The following GALNT1 variants were observed in gnomAD, a reference collection of about 807,000 sequenced individuals.
GALNT1 encodes the protein polypeptide N-acetylgalactosaminyltransferase 1.
A neutral mutation model predicts 65.7 loss-of-function variants in GALNT1; 17 were observed. That is an observed-to-expected ratio of 0.26 (90% CI 0.18 to 0.39). GALNT1 has a LOEUF of 0.39. Ranked by LOEUF, GALNT1 falls within the 10% of genes least tolerant of loss-of-function variation. GALNT1 has a pLI of 1.00. For missense variants in GALNT1, 460 were observed against 672.8 expected (o/e 0.68, Z 3.50); for synonymous variants, 210 against 219.7 (o/e 0.96, Z 0.39).
intron 7 of GALNT1, among the ~76,000 whole-genome samples, chr18:35,689,580 T>C (rs547728497): frequency 1.3e-5 from 2 of 152,328 alleles, no homozygotes; most frequent in South Asian, 2.1e-4. Flanking sequence ...AAAGCTAATA[T>C]ATAGTTTGGA....
intron 3 of GALNT1, among the ~76,000 whole-genome samples, chr18:35,668,131 A>T (rs1029473031): frequency 2.0e-5 from 3 of 152,232 alleles, no homozygotes; most frequent in African/African-American, 7.2e-5. Flanking sequence ...TGAACTAACC[A>T]TCTTAAGAAA....
intron 9 of GALNT1, among the ~76,000 whole-genome samples, chr18:35,694,738 G>C (rs1224312352): frequency 6.6e-6 from 1 of 152,224 alleles, no homozygotes; most frequent in East Asian, 1.9e-4. Flanking sequence ...AATTGGGTCA[G>C]TTCAAAGTAA....
chr18:35,709,896 T>C lies in GALNT1; in HGVS notation c.*126T>C, dbSNP rs1598815949. The C allele has an allele frequency of 8.8e-7, 1 of 1,135,072 alleles. No individual in the cohort carries two copies. The highest frequency in any genetic ancestry group is 1.6e-5 in the South Asian group (1 of 62,252). The allele number at this position is 1,135,072 out of a possible 1,614,324, so 70.3% of individuals were successfully genotyped here. On this transcript the variant is annotated 3_prime_UTR_variant, in exon 12 of 12. Transcript: ENST00000269195. ...CCTCCTCTGCAGGATGTAAGGTTTA[T>C]CAGCCATTAAAACTTAGACTTCTCT...
intron 6 of GALNT1, among the ~76,000 whole-genome samples, 172 bp downstream of exon 6, chr18:35,687,358 C>T (rs573558503): frequency 7.4e-4 from 113 of 152,288 alleles, no homozygotes; most frequent in African/African-American, 2.5e-3. Flanking sequence ...AAGGATTTCT[C>T]CTCTAATAAA....
rs377546998 is a variant in GALNT1 at position 35,613,026 on chromosome 18, G to A, written c.-104+31164G>A. The stretch of plus-strand genomic sequence containing the variant: ...AGTAATAGCTACCTTGTTTAAGATC[G>A]CAGCTCCTCTCCACCAGGCACTCAT... On this transcript the variant is annotated intron_variant, in intron 1 of 11. Transcript: ENST00000269195. 9.2e-5 allele frequency among the ~76,000 whole-genome samples: 14 copies of A among 152,202 alleles called. No homozygotes were observed. The East Asian group carries it at 1.5e-3, about 17-fold the overall frequency.
intron 1 of GALNT1, among the ~76,000 whole-genome samples, chr18:35,641,488 G>C (rs2047162924): frequency 6.6e-6 from 1 of 152,034 alleles, no homozygotes; most frequent in African/African-American, 2.4e-5. Flanking sequence ...ACTCACACAA[G>C]GCTACATTAG....
At chr18:35,668,741 A>G (rs1458191030) in intron 3 of GALNT1, among the ~76,000 whole-genome samples, 1 of 152,184 alleles carries the variant, frequency 6.6e-6, no homozygotes, top group Non-Finnish European at 1.5e-5. Context: ...TTGTACCCTT[A>G]AAAACCTATT....
intron 8 of GALNT1, 37 bp downstream of exon 8, chr18:35,691,229 C>A: frequency 6.5e-7 from 1 of 1,528,012 alleles, no homozygotes; most frequent in Non-Finnish European, 8.8e-7. Flanking sequence ...CAAGGCTGTA[C>A]CTTTGTTGAC....
chr18:35,608,990 A>G (rs1046364797), intron 1 of GALNT1, among the ~76,000 whole-genome samples: 1 of 152,202 alleles, frequency 6.6e-6, no homozygotes, highest in South Asian at 2.1e-4. Flanking sequence ...CCCTGAACCT[A>G]CCACAGTAAA....
At chr18:35,642,902 T>C (rs1182896889) in intron 1 of GALNT1, among the ~76,000 whole-genome samples, 1 of 151,960 alleles carries the variant, frequency 6.6e-6, no homozygotes, top group Admixed American at 6.6e-5. Flanking sequence ...CTGCCACTCA[T>C]CTGTATGTCT....
chr18:35,636,361 G>A (rs1003892221), intron 1 of GALNT1, among the ~76,000 whole-genome samples: 4 of 152,284 alleles, frequency 2.6e-5, no homozygotes, highest in African/African-American at 9.6e-5. Flanking sequence ...TGGACCAGAG[G>A]GAAAGACTGT....
At chr18:35,666,520 A>G (rs892428843) in intron 3 of GALNT1, among the ~76,000 whole-genome samples, 3 of 152,200 alleles carry the variant, frequency 2.0e-5, no homozygotes, top group Non-Finnish European at 4.4e-5. Context: ...TCAATCAACT[A>G]TTATTGTTTC....
intron 1 of GALNT1, among the ~76,000 whole-genome samples, chr18:35,645,987 T>G (rs2047225932): frequency 6.6e-6 from 1 of 152,142 alleles, no homozygotes; most frequent in African/African-American, 2.4e-5. Context: ...AGTGTATTAG[T>G]TCATTTTTAC....
intron 11 of GALNT1, among the ~76,000 whole-genome samples, chr18:35,704,152 G>T (rs760473539): frequency 3.9e-5 from 6 of 152,156 alleles, no homozygotes; most frequent in Non-Finnish European, 7.4e-5. Flanking sequence ...TTCAATTAAA[G>T]CATCCGTGGT....
intron 1 of GALNT1, among the ~76,000 whole-genome samples, chr18:35,630,092 G>A (rs376201934): frequency 2.0e-5 from 3 of 152,022 alleles, no homozygotes; most frequent in Non-Finnish European, 2.9e-5. Context: ...AGACTCCCAC[G>A]CAATAATAAT....
chr18:35,598,711 C>T (rs901460987), intron 1 of GALNT1, among the ~76,000 whole-genome samples: 19 of 152,082 alleles, frequency 1.2e-4, no homozygotes, highest in African/African-American at 4.3e-4. Context: ...TATATCTCTT[C>T]AATATACTGA....
rs184155678 is a variant in GALNT1 at position 35,599,918 on chromosome 18, G to A, written c.-104+18056G>A. Among the ~76,000 whole-genome samples the A allele has an allele frequency of 1.7e-3, 266 of 152,220 alleles. 1 individual carries two copies. Among genetic ancestry groups the A allele is most frequent in the African/African-American group, 6.1e-3 (255 of 41,532 alleles). On this transcript the variant is annotated intron_variant, in intron 1 of 11. Transcript: ENST00000269195. ...TTTTATGTTAGTATCATGCTGTTTTGGTTACTATGGCTTTCTAATACATTT... is the reference window on the plus strand; with the variant it reads ...TTTTATGTTAGTATCATGCTGTTTTAGTTACTATGGCTTTCTAATACATTT...
At chr18:35,581,958 G>T (rs2046327012) in intron 1 of GALNT1, 96 bp downstream of exon 1, 1 of 151,934 alleles carries the variant, frequency 6.6e-6, no homozygotes, top group Admixed American at 6.6e-5. Context: ...CGCGTCCCCG[G>T]TCCCTTTGTG....
At chr18:35,597,927 C>G (rs1455536359) in intron 1 of GALNT1, among the ~76,000 whole-genome samples, 1 of 149,254 alleles carries the variant, frequency 6.7e-6, no homozygotes, top group Non-Finnish European at 1.5e-5. Context: ...TTGAATTATA[C>G]AATATATCAT....
Sources: allele counts gnomAD v4.1 joint callset (sites outside exome capture counted in the v4.1 genomes callset), GRCh38; gene constraint gnomAD v4.1.1; transcripts MANE v1.5; gene names NCBI Gene and HGNC (gene_info 2026-07-23, HGNC 2026-07-21).